TBL1XR1: variants seen among roughly 807,000 people sequenced by gnomAD.
TBL1XR1 encodes F-box-like/WD repeat-containing protein TBL1XR1.
In TBL1XR1, 5 loss-of-function variants were observed where a neutral mutation model predicts 66.9. That is an observed-to-expected ratio of 0.07 (90% CI 0.04 to 0.16). The LOEUF (loss-of-function observed/expected upper bound fraction) is 0.16. Among genes scored for constraint, TBL1XR1 ranks in the 10% least tolerant of loss-of-function variants. The probability of loss-of-function intolerance (pLI) is 1.00; values close to 1 mark genes in which losing one functional copy is unlikely to be tolerated. For synonymous variants in TBL1XR1, 210 were observed against 206.0 expected (o/e 1.02, Z -0.17); for missense variants, 238 against 623.2 (o/e 0.38, Z 6.58).
At chr3:177,155,559 A>G (rs950918946) in intron 1 of TBL1XR1, among the ~76,000 whole-genome samples, 1 of 152,252 alleles carries the variant, frequency 6.6e-6, no homozygotes, top group Non-Finnish European at 1.5e-5. Context: ...GTCTATAAAT[A>G]ATGTGAATAC....
chr3:177,180,061 A>G (rs367565920), intron 1 of TBL1XR1, among the ~76,000 whole-genome samples: 39 of 152,040 alleles, frequency 2.6e-4, no homozygotes, highest in Middle Eastern at 6.8e-3. Flanking sequence ...ACATGGTGAA[A>G]CCCTATCTCT....
chr3:177,036,951 T>G, intron 12 of TBL1XR1, among the ~76,000 whole-genome samples: 1 of 152,210 alleles, frequency 6.6e-6, no homozygotes, highest in East Asian at 1.9e-4. Flanking sequence ...AAATAAGTAT[T>G]ACGTTGTTCT....
chr3:177,175,094 T>C (rs1734005024), intron 1 of TBL1XR1, among the ~76,000 whole-genome samples: 1 of 152,212 alleles, frequency 6.6e-6, no homozygotes, highest in South Asian at 2.1e-4. Context: ...GTAAATTATT[T>C]TAATGTACAC....
At chr3:177,171,974 C>T (rs1432269636) in intron 1 of TBL1XR1, among the ~76,000 whole-genome samples, 1 of 151,940 alleles carries the variant, frequency 6.6e-6, no homozygotes, top group Non-Finnish European at 1.5e-5. Context: ...TAAATTATAA[C>T]CCAAAGAATG....
chr3:177,093,258 AC>A (rs1369762019), intron 2 of TBL1XR1, among the ~76,000 whole-genome samples: 5 of 152,278 alleles, frequency 3.3e-5, no homozygotes, highest in African/African-American at 1.2e-4. Context: ...TTAGGAATAT[AC>A]CTAACCAAGG....
chr3:177,102,785 T>C (rs1228836908), intron 1 of TBL1XR1, among the ~76,000 whole-genome samples: 1 of 152,048 alleles, frequency 6.6e-6, no homozygotes, highest in Admixed American at 6.6e-5. Flanking sequence ...AATCTTCCTA[T>C]CCCTCCTCCA....
intron 1 of TBL1XR1, among the ~76,000 whole-genome samples, chr3:177,133,554 G>A (rs1728554454): frequency 6.6e-6 from 1 of 152,118 alleles, no homozygotes; most frequent in African/African-American, 2.4e-5. Context: ...CAGACACACA[G>A]AAGTAACACT....
At chr3:177,072,663 A>G (rs1393151068) in intron 2 of TBL1XR1, among the ~76,000 whole-genome samples, 1 of 152,240 alleles carries the variant, frequency 6.6e-6, no homozygotes. Flanking sequence ...AATGGTTTGA[A>G]TTGCAAGTTA....
intron 1 of TBL1XR1, among the ~76,000 whole-genome samples, chr3:177,122,672 G>A (rs1727119215): frequency 6.6e-6 from 1 of 152,102 alleles, no homozygotes; most frequent in Admixed American, 6.6e-5. Context: ...GCTTCTAGCA[G>A]ATAGGGCTAA....
At chr3:177,159,374 C>G (rs981473634) in intron 1 of TBL1XR1, among the ~76,000 whole-genome samples, 23 of 152,102 alleles carry the variant, frequency 1.5e-4, no homozygotes, top group African/African-American at 5.5e-4. Flanking sequence ...AATAAGGGCC[C>G]TCTATTTTAA....
chr3:177,201,148 C>G (rs947997425), upstream of TBL1XR1, among the ~76,000 whole-genome samples: 2 of 151,514 alleles, frequency 1.3e-5, no homozygotes, highest in African/African-American at 4.9e-5. Context: ...TGCAGTGGCT[C>G]ACACCTGTAA....
rs548783302 is a variant in TBL1XR1 at position 177,190,133 on chromosome 3, C to CAAAAAAAA, written c.-122+6980_-122+6987dup. On this transcript the variant is annotated intron_variant, in intron 1 of 15. Coordinates refer to ENST00000457928, the MANE Select transcript of TBL1XR1 (RefSeq NM_024665.7). The stretch of plus-strand genomic sequence containing the variant: ...GGGCAACAAGAGTGAAACTCCATCT[C>CAAAAAAAA]AAAAAAAAAAAAAAAAAAAAAAAAA... Among the ~76,000 whole-genome samples, 51 of 69,408 alleles carry CAAAAAAAA rather than the reference C, an allele frequency of 7.3e-4. 3 individuals carry two copies. The highest frequency in any genetic ancestry group is 2.7e-3 in the African/African-American group (43 of 15,772). The allele number at this position is 69,408 out of a possible 152,430, so 45.5% of individuals were successfully genotyped here. A position where few individuals can be genotyped will look rare whatever the true frequency, so the allele number is the denominator to read the frequency against.
In TBL1XR1 at chr3:177,062,270, T is replaced by C. The variant is rs558357423; in HGVS notation, c.58+2650A>G. Among the ~76,000 whole-genome samples the C allele has an allele frequency of 1.2e-4, 19 of 152,356 alleles. No homozygotes were observed. In the South Asian group the frequency reaches 3.7e-3, roughly 30 times the overall value. ...TTTATCTTGAATACTCAGCATAATT[T>C]TTCTGTCAAGATATTGTGAATATGC... On this transcript the variant is annotated intron_variant, in intron 3 of 15. Transcript: ENST00000457928.
chr3:177,106,296 G>A (rs1724878264), intron 1 of TBL1XR1, among the ~76,000 whole-genome samples: 2 of 152,134 alleles, frequency 1.3e-5, no homozygotes, highest in Non-Finnish European at 2.9e-5. Context: ...GCAAATCAAT[G>A]ACAATGTTCA....
chr3:177,062,659 A>AGTGGTG (rs1560131064), intron 3 of TBL1XR1, among the ~76,000 whole-genome samples: 2 of 152,216 alleles, frequency 1.3e-5, no homozygotes, highest in Non-Finnish European at 1.5e-5. Flanking sequence ...ACTACACTGT[A>AGTGGTG]AAGTCTAAAA....
chr3:177,124,664 A>C (rs1727392867), intron 1 of TBL1XR1, among the ~76,000 whole-genome samples: 1 of 152,082 alleles, frequency 6.6e-6, no homozygotes, highest in Non-Finnish European at 1.5e-5. Flanking sequence ...TTTCTCCTTA[A>C]AGACTCCTAA....
chr3:177,056,984 T>G (rs569123061), intron 3 of TBL1XR1, among the ~76,000 whole-genome samples: 2 of 152,292 alleles, frequency 1.3e-5, no homozygotes, highest in Non-Finnish European at 2.9e-5. Context: ...AACATATCAC[T>G]TCTTGCTTGA....
intron 1 of TBL1XR1, among the ~76,000 whole-genome samples, chr3:177,102,336 C>T (rs2108681969): frequency 6.6e-6 from 1 of 152,300 alleles, no homozygotes; most frequent in South Asian, 2.1e-4. Flanking sequence ...GGTATACCAA[C>T]TGCACCTGCA....
intron 14 of TBL1XR1, among the ~76,000 whole-genome samples, chr3:177,031,896 G>A (rs551507030): frequency 6.6e-6 from 1 of 152,042 alleles, no homozygotes; most frequent in South Asian, 2.1e-4. Flanking sequence ...AGTCTATAAA[G>A]AGCTGCTAGA....
Sources: gnomAD v4.1 joint callset for allele counts (sites outside exome capture counted in the v4.1 genomes callset) on GRCh38, gnomAD v4.1.1 for gene constraint, MANE v1.5 for transcripts, NCBI Gene and HGNC (gene_info 2026-07-23, HGNC 2026-07-21) for gene names.